Variants in TMEM40 observed in about 807,000 individuals in gnomAD.
The protein encoded by TMEM40 is transmembrane protein 40.
In TMEM40, 34 loss-of-function variants were observed where a neutral mutation model predicts 40.8. The ratio of observed to expected loss-of-function variants is 0.83; its 90% CI spans 0.63 to 1.11. The LOEUF (loss-of-function observed/expected upper bound fraction) is 1.11, where lower values mean the gene tolerates loss of function less well. TMEM40 is among the 50% of genes least tolerant of loss of function. The pLI is 0.00. For synonymous variants in TMEM40, 106 were observed against 107.0 expected (o/e 0.99, Z 0.06); for missense variants, 296 against 280.2 (o/e 1.06, Z -0.40).
chr3:12,737,533 T>C, intron 8 of TMEM40, 174 bp downstream of exon 8: 4 of 647,640 alleles, frequency 6.2e-6, no homozygotes, highest in Non-Finnish European at 8.1e-6. Context: ...ATCTGCAAAA[T>C]GGGAACCATT....
intron 1 of TMEM40, among the ~76,000 whole-genome samples, chr3:12,750,237 A>C (rs1470657443): frequency 6.6e-6 from 1 of 151,648 alleles, no homozygotes; most frequent in African/African-American, 2.4e-5. Flanking sequence ...GGCCTCCCAA[A>C]GTGCTGGGAT....
At chr3:12,743,634 T>C (rs2061400172) in intron 4 of TMEM40, among the ~76,000 whole-genome samples, 1 of 152,166 alleles carries the variant, frequency 6.6e-6, no homozygotes, top group Admixed American at 6.5e-5. Context: ...ATTATAACCA[T>C]ATATGTCTGA....
chr3:12,741,792 G>A (rs528312302), intron 5 of TMEM40, among the ~76,000 whole-genome samples: 24 of 150,404 alleles, frequency 1.6e-4, no homozygotes, highest in Middle Eastern at 3.2e-3. Context: ...AAAGAAAGAA[G>A]GAAAGAAAGA....
chr3:12,768,537 T>G (rs1311668214), intron 1 of TMEM40, among the ~76,000 whole-genome samples: 1 of 152,010 alleles, frequency 6.6e-6, no homozygotes, highest in Non-Finnish European at 1.5e-5. Flanking sequence ...ATTCTCCAAG[T>G]CCCCACCAGA....
rs779392279 is a variant in TMEM40 at position 12,748,668 on chromosome 3, GGAT to G, written c.195_197del (p.Ser70del). On this transcript the variant is annotated inframe_deletion, in exon 3 of 12. Coordinates refer to ENST00000314124, the MANE Select transcript of TMEM40 (RefSeq NM_018306.4). ...TCTCTGCTATACCTGAGGAGGAGGA[GGAT>G]GAAGAAGATGAGGAGGATGAGGAGG... 19 of 1,610,910 alleles carry G rather than the reference GGAT, an allele frequency of 1.2e-5. No homozygotes were observed. The East Asian group carries it at 3.8e-4, about 32-fold the overall frequency.
intron 1 of TMEM40, among the ~76,000 whole-genome samples, chr3:12,764,967 G>A (rs1462129638): frequency 4.6e-5 from 7 of 151,994 alleles, no homozygotes; most frequent in Non-Finnish European, 1.0e-4. Flanking sequence ...CGCCTCCCAG[G>A]TTCAAGCAAT....
chr3:12,761,120 T>A (rs940025901), upstream of TMEM40, among the ~76,000 whole-genome samples: 1 of 152,090 alleles, frequency 6.6e-6, no homozygotes, highest in African/African-American at 2.4e-5. Context: ...GAGGGAGCCA[T>A]GTGTGAGGGC....
rs1491449747 is a variant in TMEM40, at chr3:12,755,212, T to TC, written c.-9+3978_-9+3979insG. On this transcript the variant is annotated intron_variant, in intron 1 of 11. Transcript: ENST00000314124. ...CTTCCTTCCTTCCTTTCTTTCTTTCTTTCTCTCTCTCTCTCTCTCTCTCTT... is the reference window on the plus strand; with the variant it reads ...CTTCCTTCCTTCCTTTCTTTCTTTCTCTTCTCTCTCTCTCTCTCTCTCTCTT... Among the ~76,000 whole-genome samples, 155 of 81,230 alleles carry TC rather than the reference T, an allele frequency of 1.9e-3. 1 individual carries two copies. Among genetic ancestry groups the TC allele is most frequent in the African/African-American group, 8.6e-3 (123 of 14,244 alleles). 53.3% of individuals were successfully genotyped at this position (81,230 alleles called of 152,430 possible).
intron 8 of TMEM40, 62 bp from the exon 9 acceptor site, chr3:12,736,897 G>A: frequency 6.2e-7 from 1 of 1,603,444 alleles, no homozygotes; most frequent in Non-Finnish European, 8.5e-7. Flanking sequence ...TTGGGCAGAG[G>A]AGACAAGGTC....
At chr3:12,751,883 C>T (rs1469723114) in intron 1 of TMEM40, among the ~76,000 whole-genome samples, 3 of 152,168 alleles carry the variant, frequency 2.0e-5, no homozygotes, top group Admixed American at 6.5e-5. Flanking sequence ...GTGATGAGCT[C>T]TTTTTCCAGT....
intron 3 of TMEM40, among the ~76,000 whole-genome samples, chr3:12,748,067 G>A (rs1445666654): frequency 6.6e-6 from 1 of 152,130 alleles, no homozygotes; most frequent in Non-Finnish European, 1.5e-5. Context: ...TGATAAACCT[G>A]GGAGGGGAAG....
chr3:12,751,909 C>T lies in TMEM40; in HGVS notation c.-8-2069G>A, dbSNP rs185491872. Among the ~76,000 whole-genome samples, 637 of 152,312 alleles carry T rather than the reference C, an allele frequency of 4.2e-3. 4 individuals are homozygous for T. Among genetic ancestry groups the T allele is most frequent in the African/African-American group, 0.013 (556 of 41,566 alleles). On this transcript the variant is annotated intron_variant, in intron 1 of 11. Coordinates refer to ENST00000314124, the MANE Select transcript of TMEM40 (RefSeq NM_018306.4). ...TTTTTCCAGTCTCATCTCCATCCTG[C>T]TCTGTGTCCTGGTCACACACAGCAC... is the stretch of plus-strand genomic sequence containing the variant.
chr3:12,734,765 G>T lies in TMEM40; in HGVS notation c.*9C>A. On this transcript the variant is annotated 3_prime_UTR_variant, in exon 12 of 12. Transcript: ENST00000314124. ...GGGGCCTGCCTCTGCTGCCCACCTG[G>T]AAGTGGCCTCAGTCAGTCTTCCTGA... is the stretch of plus-strand genomic sequence containing the variant. The T allele has an allele frequency of 6.3e-7, 1 of 1,595,906 alleles. No individual in the cohort carries two copies. The highest frequency in any genetic ancestry group is 8.5e-7 in the Non-Finnish European group (1 of 1,171,930).
At chr3:12,745,408 T>C (rs777147690) in intron 3 of TMEM40, among the ~76,000 whole-genome samples, 13 of 152,022 alleles carry the variant, frequency 8.6e-5, no homozygotes, top group Non-Finnish European at 1.5e-4. Context: ...CTGCCATCAA[T>C]GTGTGAATGA....
chr3:12,757,494 C>T (rs1451963043), intron 1 of TMEM40, among the ~76,000 whole-genome samples: 5 of 151,698 alleles, frequency 3.3e-5, no homozygotes, highest in Non-Finnish European at 7.4e-5. Context: ...AAAAGATGCT[C>T]CACATCATTA....
At chr3:12,751,889 C>G (rs1046979183) in intron 1 of TMEM40, among the ~76,000 whole-genome samples, 1 of 152,136 alleles carries the variant, frequency 6.6e-6, no homozygotes, top group African/African-American at 2.4e-5. Flanking sequence ...AGCTCTTTTT[C>G]CAGTCTCATC....
chr3:12,738,032 A>C (rs1337368039), intron 7 of TMEM40, 104 bp downstream of exon 7: 6 of 1,414,728 alleles, frequency 4.2e-6, no homozygotes, highest in Middle Eastern at 1.8e-4. Context: ...TGGCGACAGC[A>C]TCCCTGCTGG....
chr3:12,738,824 C>T, intron 5 of TMEM40: 2 of 489,144 alleles, frequency 4.1e-6, no homozygotes, highest in South Asian at 5.3e-5. Context: ...GTCAATTTCC[C>T]CAGAGAAGCC....
intron 3 of TMEM40, among the ~76,000 whole-genome samples, chr3:12,746,051 C>T (rs922516970): frequency 1.3e-5 from 2 of 151,992 alleles, no homozygotes; most frequent in Non-Finnish European, 1.5e-5. Flanking sequence ...GTGCCCACCA[C>T]CACACCTGGC....
Sources: allele counts gnomAD v4.1 joint callset (sites outside exome capture counted in the v4.1 genomes callset), GRCh38; gene constraint gnomAD v4.1.1; transcripts MANE v1.5; gene names NCBI Gene and HGNC (gene_info 2026-07-23, HGNC 2026-07-21).